Variants in EYS observed in about 807,000 individuals in gnomAD.
EYS encodes EGF-like photoreceptor maintenance factor.
In EYS, 250 loss-of-function variants were observed where a neutral mutation model predicts 282.1. That is an observed-to-expected ratio of 0.89 (90% CI 0.80 to 0.98). The LOEUF (loss-of-function observed/expected upper bound fraction) is 0.98, where lower values mean the gene tolerates loss of function less well. Among genes scored for constraint, EYS ranks in the 50% least tolerant of loss-of-function variants. EYS has a pLI of 0.00. For missense variants in EYS, 4,016 were observed against 3,709.0 expected (o/e 1.08, Z -2.15); for synonymous variants, 1,355 against 1,282.9 (o/e 1.06, Z -1.20).
intron 8 of EYS, among the ~76,000 whole-genome samples, chr6:65,383,846 C>A (rs563557684): frequency 1.6e-4 from 25 of 151,584 alleles, no homozygotes; most frequent in Non-Finnish European, 3.4e-4. Context: ...TCTTATTTAC[C>A]AGGTTTAGTT....
At chr6:65,486,065 T>A (rs1429106369) in intron 5 of EYS, among the ~76,000 whole-genome samples, 1 of 152,224 alleles carries the variant, frequency 6.6e-6, no homozygotes, top group Non-Finnish European at 1.5e-5. Flanking sequence ...GTATGTGGCA[T>A]AATACATTGT....
intron 22 of EYS, among the ~76,000 whole-genome samples, chr6:64,640,557 T>C (rs1186271976): frequency 5.0e-5 from 7 of 140,036 alleles, no homozygotes; most frequent in Non-Finnish European, 3.1e-5. Context: ...CATCACACTC[T>C]GGGGACTGTT....
chr6:63,864,611 T>A (rs1772627252), intron 35 of EYS, among the ~76,000 whole-genome samples: 1 of 152,218 alleles, frequency 6.6e-6, no homozygotes, highest in African/African-American at 2.4e-5. Flanking sequence ...CATCTATTTT[T>A]ATTTTTGATT....
chr6:65,206,019 A>G (rs1041443700), intron 12 of EYS, among the ~76,000 whole-genome samples: 3 of 151,866 alleles, frequency 2.0e-5, no homozygotes, highest in African/African-American at 7.2e-5. Flanking sequence ...TCGCAGAAGA[A>G]AAGAAATAAC....
intron 11 of EYS, among the ~76,000 whole-genome samples, chr6:65,308,754 TG>T (rs1215163582): frequency 6.7e-6 from 1 of 148,522 alleles, no homozygotes; most frequent in Non-Finnish European, 1.5e-5. Context: ...GCAAATATTT[TG>T]GTAAATCATT....
chr6:65,510,155 A>G (rs1010956103), intron 2 of EYS, among the ~76,000 whole-genome samples: 4 of 140,214 alleles, frequency 2.9e-5, no homozygotes, highest in Non-Finnish European at 4.7e-5. Flanking sequence ...ATATCTCCCA[A>G]TGCTATCCCT....
chr6:64,214,863 T>C (rs1312424672), intron 31 of EYS, among the ~76,000 whole-genome samples: 1 of 152,028 alleles, frequency 6.6e-6, no homozygotes, highest in East Asian at 1.9e-4. Flanking sequence ...TTGATATGCA[T>C]ATAATATGTG....
At chr6:65,490,908 A>G (rs1766019237) in intron 4 of EYS, among the ~76,000 whole-genome samples, 2 of 152,106 alleles carry the variant, frequency 1.3e-5, no homozygotes, top group East Asian at 3.8e-4. Flanking sequence ...TTCTGACCCC[A>G]GACTATAATA....
chr6:63,899,729 G>T (rs999805106), intron 35 of EYS, among the ~76,000 whole-genome samples: 9 of 152,120 alleles, frequency 5.9e-5, no homozygotes, highest in Non-Finnish European at 1.3e-4. Flanking sequence ...CTCATTTTAG[G>T]TTTACTCATG....
At chr6:64,602,211 C>G (rs775948881) in intron 24 of EYS, among the ~76,000 whole-genome samples, 5 of 151,980 alleles carry the variant, frequency 3.3e-5, no homozygotes, top group Non-Finnish European at 5.9e-5. Context: ...GTATTCAGCA[C>G]ACTATTTGTA....
chr6:65,453,287 C>G (rs1035641339), intron 5 of EYS, among the ~76,000 whole-genome samples: 3 of 151,968 alleles, frequency 2.0e-5, no homozygotes, highest in African/African-American at 7.2e-5. Flanking sequence ...TAGCATTTGG[C>G]ATTTTATTCC....
chr6:64,397,213 T>C (rs1773410361), intron 28 of EYS, among the ~76,000 whole-genome samples: 2 of 152,084 alleles, frequency 1.3e-5, no homozygotes, highest in Admixed American at 1.3e-4. Flanking sequence ...GGCTTTCTTA[T>C]ATAACAGTGG....
At chr6:64,197,963 A>G (rs1765342332) in intron 31 of EYS, among the ~76,000 whole-genome samples, 1 of 150,972 alleles carries the variant, frequency 6.6e-6, no homozygotes, top group South Asian at 2.1e-4. Context: ...TTTATTTTAC[A>G]CTATTTCTTT....
chr6:65,665,326 T>G (rs1768159336), intron 1 of EYS, among the ~76,000 whole-genome samples: 1 of 152,108 alleles, frequency 6.6e-6, no homozygotes, highest in Non-Finnish European at 1.5e-5. Context: ...CTTTCTTCAT[T>G]TATCTCTTAA....
chr6:64,187,214 T>G (rs1298191064), intron 31 of EYS, among the ~76,000 whole-genome samples: 1 of 152,108 alleles, frequency 6.6e-6, no homozygotes, highest in East Asian at 1.9e-4. Flanking sequence ...TTCTTATCTT[T>G]AAAATTTTTA....
At chr6:65,023,868 G>A (rs1772321378) in intron 13 of EYS, among the ~76,000 whole-genome samples, 1 of 152,190 alleles carries the variant, frequency 6.6e-6, no homozygotes, top group Non-Finnish European at 1.5e-5. Flanking sequence ...AGTAAGCTGA[G>A]AGAAGATGCT....
intron 22 of EYS, among the ~76,000 whole-genome samples, chr6:64,740,715 CTTTT>C (rs5876919): frequency 1.6e-5 from 2 of 127,880 alleles, no homozygotes. Flanking sequence ...AATATGTCCA[CTTTT>C]TTTTTTTTTT....
intron 13 of EYS, among the ~76,000 whole-genome samples, chr6:65,028,711 A>G (rs529058841): frequency 6.6e-6 from 1 of 152,228 alleles, no homozygotes; most frequent in South Asian, 2.1e-4. Context: ...TTGTTCTAAT[A>G]TTTGTTAACT....
chr6:65,013,902 G>A (rs187535106), intron 13 of EYS, among the ~76,000 whole-genome samples: 32 of 152,240 alleles, frequency 2.1e-4, no homozygotes, highest in Admixed American at 1.4e-3. Context: ...ATGTGAATAT[G>A]ATTGAATGTC....
Sources: allele counts gnomAD v4.1 joint callset (sites outside exome capture counted in the v4.1 genomes callset), GRCh38; gene constraint gnomAD v4.1.1; transcripts MANE v1.5; gene names NCBI Gene and HGNC (gene_info 2026-07-23, HGNC 2026-07-21).